The following PRDM16 variants were observed in gnomAD, a reference collection of about 807,000 sequenced individuals.
The protein encoded by PRDM16 is histone-lysine N-methyltransferase PRDM16.
In PRDM16, 23 loss-of-function variants were observed where a neutral mutation model predicts 110.6. The ratio of observed to expected loss-of-function variants is 0.21; its 90% CI spans 0.15 to 0.29. PRDM16 has a LOEUF of 0.29. Among genes scored for constraint, PRDM16 ranks in the 10% least tolerant of loss-of-function variants. The probability of loss-of-function intolerance (pLI) is 1.00; values close to 1 mark genes in which losing one functional copy is unlikely to be tolerated. For missense variants in PRDM16, 1,615 were observed against 1,794.3 expected, an observed-to-expected ratio of 0.90 and a Z score of 1.81; for synonymous variants, 799 against 781.8, an observed-to-expected ratio of 1.02 and a Z score of -0.37.
At chr1:3,325,316 C>T (rs917889691) in intron 3 of PRDM16, among the ~76,000 whole-genome samples, 30 of 152,312 alleles carry the variant, frequency 2.0e-4, no homozygotes, top group Middle Eastern at 6.8e-3. Context: ...CCCCAGGGTA[C>T]GCACAGCTGC....
intron 4 of PRDM16, among the ~76,000 whole-genome samples, chr1:3,391,842 C>T (rs1643306098): frequency 6.6e-6 from 1 of 152,334 alleles, no homozygotes; most frequent in African/African-American, 2.4e-5. Context: ...CAAGCACAGG[C>T]GTGCACAGGG....
At chr1:3,369,378 C>G (rs918674214) in intron 3 of PRDM16, among the ~76,000 whole-genome samples, 1 of 152,124 alleles carries the variant, frequency 6.6e-6, no homozygotes, top group Non-Finnish European at 1.5e-5. Context: ...TAGCACACAG[C>G]TCAAAGCCCA....
chr1:3,320,317 T>C (rs1457630657), intron 3 of PRDM16, among the ~76,000 whole-genome samples: 1 of 152,048 alleles, frequency 6.6e-6, no homozygotes, highest in Non-Finnish European at 1.5e-5. Context: ...AGAGTAGATG[T>C]GTGTGTGTGT....
rs1402746138 is a variant in PRDM16, at chr1:3,350,148, A to T, written c.439-35004A>T. ...TGAGGCCAGCCTGGACAACATAGCA[A>T]GACCCTATCTCTACAAAAAATACAA... On this transcript the variant is annotated intron_variant, in intron 3 of 16. Coordinates refer to ENST00000270722, the MANE Select transcript of PRDM16 (RefSeq NM_022114.4). The surrounding 1 kb of genome is among the most constrained non-coding windows in gnomAD (Gnocchi z 7.1). 1.3e-5 allele frequency among the ~76,000 whole-genome samples: 2 copies of T among 152,210 alleles called. No individual in the cohort carries two copies. Among genetic ancestry groups the T allele is most frequent in the Non-Finnish European group, 2.9e-5 (2 of 68,030 alleles).
chr1:3,432,040 G>A lies in PRDM16; in HGVS notation c.3596G>A (p.Arg1199His), dbSNP rs772196588. The A allele has an allele frequency of 4.6e-5, 75 of 1,614,006 alleles. No homozygotes were observed. Among genetic ancestry groups the A allele is most frequent in the East Asian group, 1.1e-4 (5 of 44,898 alleles). Residue 1199 changes from arginine to histidine, a missense_variant, in exon 16 of 17, where the codon CGC becomes CAC. This residue lies in a region of PRDM16 where 327 missense variants were observed against 359.3 expected (regional missense o/e 0.91). Coordinates refer to ENST00000270722, the MANE Select transcript of PRDM16 (RefSeq NM_022114.4). ...MPTFGKGLDL[R>H]RAAEEAFEVK... The stretch of plus-strand genomic sequence containing the variant: ...ACTTTTGGGAAGGGGCTGGACCTCC[G>A]CAGAGCAGCTGAGGAAGCATTTGAA...
At chr1:3,119,605 G>C (rs556174739) in intron 1 of PRDM16, among the ~76,000 whole-genome samples, 1 of 152,306 alleles carries the variant, frequency 6.6e-6, no homozygotes, top group South Asian at 2.1e-4. Flanking sequence ...GCTGCTGATC[G>C]TGACCTGGCT....
intron 1 of PRDM16, among the ~76,000 whole-genome samples, chr1:3,141,611 C>T (rs2100702540): frequency 6.6e-6 from 1 of 152,360 alleles, no homozygotes; most frequent in South Asian, 2.1e-4. Flanking sequence ...GGATGGGAGT[C>T]AGAAAGCCCA....
intron 3 of PRDM16, among the ~76,000 whole-genome samples, chr1:3,264,653 G>C (rs538139306): frequency 6.7e-6 from 1 of 150,282 alleles, no homozygotes; most frequent in African/African-American, 2.5e-5. Context: ...GGAGGAAAGG[G>C]GAGGGGCGTG....
rs1366769810 is a variant in PRDM16 at position 3,181,218 on chromosome 1, GCAGTCTTACACA to G, written c.38-4905_38-4894del. Among the ~76,000 whole-genome samples, 47 of 50,428 alleles carry G rather than the reference GCAGTCTTACACA, an allele frequency of 9.3e-4. 1 individual carries two copies. The highest frequency in any genetic ancestry group is 2.4e-3 in the African/African-American group (41 of 17,250). The allele number at this position is 50,428 out of a possible 152,430, so 33.1% of individuals were successfully genotyped here. On this transcript the variant is annotated intron_variant, in intron 1 of 16. Transcript: ENST00000270722. ...CGGTCTTACACACGGTCTTACACAC[GCAGTCTTACACA>G]CGGTCTTACACACAGTCTTACACAC...
At chr1:3,109,193 CT>C (rs1642732272) in intron 1 of PRDM16, among the ~76,000 whole-genome samples, 1 of 152,196 alleles carries the variant, frequency 6.6e-6, no homozygotes, top group East Asian at 1.9e-4. Context: ...GTTTTACCTT[CT>C]TTCTGTGTCA....
intron 14 of PRDM16, among the ~76,000 whole-genome samples, chr1:3,427,644 C>G (rs1302588010): frequency 6.6e-6 from 1 of 152,174 alleles, no homozygotes; most frequent in Non-Finnish European, 1.5e-5. Flanking sequence ...CTGGCTCTGG[C>G]AAAGCCACGT....
At chr1:3,146,477 T>G (rs1273865543) in intron 1 of PRDM16, among the ~76,000 whole-genome samples, 1 of 151,458 alleles carries the variant, frequency 6.6e-6, no homozygotes, top group Non-Finnish European at 1.5e-5. Flanking sequence ...TGCGCACATG[T>G]GTGCTTGGTT....
At chr1:3,291,488 A>G (rs1433212137) in intron 3 of PRDM16, among the ~76,000 whole-genome samples, 1 of 152,092 alleles carries the variant, frequency 6.6e-6, no homozygotes, top group Non-Finnish European at 1.5e-5. Context: ...CGCTGTCATC[A>G]CTGATCCAGC....
At chr1:3,074,411 CTGTGTG>C (rs770186651) in intron 1 of PRDM16, among the ~76,000 whole-genome samples, 1 of 151,030 alleles carries the variant, frequency 6.6e-6, no homozygotes, top group African/African-American at 2.4e-5. Context: ...AGGGTTTTTT[CTGTGTG>C]TGTGTGTGTG....
chr1:3,321,544 G>A (rs566190667), intron 3 of PRDM16, among the ~76,000 whole-genome samples: 11,450 of 151,082 alleles, frequency 0.076, 1,370 homozygotes, highest in African/African-American at 0.26. Flanking sequence ...GTGTATGTAC[G>A]TTTGTGTGTG....
chr1:3,360,033 G>T (rs1642684453), intron 3 of PRDM16, among the ~76,000 whole-genome samples: 1 of 140,406 alleles, frequency 7.1e-6, no homozygotes, highest in Admixed American at 6.8e-5. Flanking sequence ...CCCGTTAGCG[G>T]GCCGCCATCC....
chr1:3,186,190 G>A lies in PRDM16; in HGVS notation c.103G>A (p.Glu35Lys), dbSNP rs777374351. The A allele has an allele frequency of 1.1e-5, 18 of 1,612,894 alleles. No homozygotes were observed. The highest frequency in any genetic ancestry group is 2.2e-5 in the South Asian group (2 of 91,076). ...NRDLLASHSA[E>K]DEAEDSAMSP... The stretch of plus-strand genomic sequence containing the variant: ...GGACCTGCTGGCCAGCCACAGCGCG[G>A]AGGACGAGGCCGAGGACAGTGCCAT... Residue 35 changes from glutamate to lysine, a missense_variant, in exon 2 of 17, where the codon GAG becomes AAG. Transcript: ENST00000270722.
At chr1:3,385,095 G>A (rs1336935555) in intron 3 of PRDM16, 57 bp from the exon 4 acceptor site, 4 of 1,606,086 alleles carry the variant, frequency 2.5e-6, no homozygotes, top group African/African-American at 2.7e-5. Context: ...CAGAGGCTGT[G>A]TGCAGACTCC....
chr1:3,294,862 C>T (rs888681290), intron 3 of PRDM16, among the ~76,000 whole-genome samples: 1 of 152,212 alleles, frequency 6.6e-6, no homozygotes, highest in African/African-American at 2.4e-5. Context: ...ATCACACGTA[C>T]AAACCAGAAC....
Sources: allele counts gnomAD v4.1 joint callset (sites outside exome capture counted in the v4.1 genomes callset), GRCh38; gene constraint gnomAD v4.1.1; regional missense constraint gnomAD v4.1.1; non-coding constraint Gnocchi (gnomAD v3.1); transcripts MANE v1.5; gene names NCBI Gene and HGNC (gene_info 2026-07-23, HGNC 2026-07-21).